Variants in ABCA12 observed in about 807,000 individuals in gnomAD.
ABCA12 encodes the protein glucosylceramide transporter ABCA12.
A neutral mutation model predicts 293.5 loss-of-function variants in ABCA12; 156 were observed. The observed-to-expected ratio is 0.53, with a 90% CI of 0.47 to 0.61. ABCA12 has a LOEUF of 0.61. ABCA12 is among the 20% of genes least tolerant of loss of function. The probability of loss-of-function intolerance (pLI) is 0.00; values close to 1 mark genes in which losing one functional copy is unlikely to be tolerated. For missense variants in ABCA12, 2,797 were observed against 3,090.2 expected, an observed-to-expected ratio of 0.91 and a Z score of 2.25; for synonymous variants, 1,063 against 1,108.0, an observed-to-expected ratio of 0.96 and a Z score of 0.81.
chr2:214,978,753 G>C, intron 32 of ABCA12, 51 bp downstream of exon 32: 1 of 1,570,404 alleles, frequency 6.4e-7, no homozygotes, highest in Non-Finnish European at 8.8e-7. Flanking sequence ...TCTTCAAAGG[G>C]AACAGCAAGT....
intron 7 of ABCA12, among the ~76,000 whole-genome samples, chr2:215,040,214 T>TA (rs1011180994): frequency 3.9e-4 from 59 of 152,094 alleles, no homozygotes; most frequent in African/African-American, 1.0e-3. Context: ...ACTGGACCAC[T>TA]AAAAAAAGAG....
At chr2:215,100,935 A>C (rs926599172) in intron 2 of ABCA12, among the ~76,000 whole-genome samples, 2 of 152,188 alleles carry the variant, frequency 1.3e-5, no homozygotes, top group African/African-American at 4.8e-5. Flanking sequence ...CTTATCAATG[A>C]AATCATCTTG....
chr2:214,959,524 C>T (rs1699054908), intron 39 of ABCA12, among the ~76,000 whole-genome samples: 1 of 152,148 alleles, frequency 6.6e-6, no homozygotes, highest in African/African-American at 2.4e-5. Context: ...CTTCCCCCAT[C>T]CCTCTTTAGT....
intron 52 of ABCA12, 53 bp downstream of exon 52, chr2:214,934,025 A>C (rs1431757760): frequency 1.1e-5 from 17 of 1,559,764 alleles, no homozygotes; most frequent in Non-Finnish European, 1.5e-5. Context: ...ACCAGAATGA[A>C]TAATAATATT....
chr2:214,944,788 A>G (rs570866100), intron 49 of ABCA12, among the ~76,000 whole-genome samples: 194 of 152,156 alleles, frequency 1.3e-3, no homozygotes, highest in Non-Finnish European at 1.6e-3. Context: ...TCCTACTACT[A>G]TAAATATAAA....
intron 2 of ABCA12, among the ~76,000 whole-genome samples, chr2:215,097,711 A>G (rs185945314): frequency 7.2e-5 from 11 of 152,294 alleles, no homozygotes; most frequent in Admixed American, 6.5e-4. Context: ...AGAAAAACTG[A>G]TTGCTTATTG....
intron 1 of ABCA12, among the ~76,000 whole-genome samples, chr2:215,117,857 G>C (rs915188781): frequency 6.6e-6 from 1 of 152,160 alleles, no homozygotes; most frequent in African/African-American, 2.4e-5. Flanking sequence ...TAACAGACTG[G>C]TGGTAGAAAG....
At position 214,974,657 on chromosome 2, in the gene ABCA12, G is replaced by T. The variant is rs370903549; in HGVS notation, c.5468+121C>A. ...GAGATAGACAAAATCTGTTAAACAG[G>T]GATTTCTATCAGGGTACAGCTTTCT... On this transcript the variant is annotated intron_variant, in intron 35 of 52. Coordinates refer to ENST00000272895, the MANE Select transcript of ABCA12 (RefSeq NM_173076.3). The T allele has an allele frequency of 2.3e-5, 21 of 926,718 alleles. No homozygotes were observed. In the East Asian group the frequency reaches 2.7e-4, roughly 12 times the overall value. 57.4% of individuals were successfully genotyped at this position (926,718 alleles called of 1,614,324 possible).
rs1472501768 is a variant in ABCA12, at chr2:215,025,751, T to C, written c.1209A>G (p.Ile403Met). ...PENLRLLQST[I>M]RFKKSFLRNG... ...TGCGAAGAAAAGATTTTTTAAATCG[T>C]ATTGTGGACTGCAGGAGTCTTAGAT... The change falls in exon 11 of 53, where the codon ATA becomes ATG. Residue 403 changes from isoleucine to methionine, a missense_variant. By Grantham distance (10) the Ile-to-Met change is conservative. Around this residue, in one of 3 missense-constraint regions of ABCA12, gnomAD observed 656 missense variants for 638.2 expected, o/e 1.03. Coordinates refer to ENST00000272895, the MANE Select transcript of ABCA12 (RefSeq NM_173076.3). 1 of 1,613,094 alleles carries C rather than the reference T, an allele frequency of 6.2e-7. No individual in the cohort carries two copies. The highest frequency in any genetic ancestry group is 8.5e-7 in the Non-Finnish European group (1 of 1,179,366).
chr2:214,940,360 G>T (rs1351254476), intron 50 of ABCA12, among the ~76,000 whole-genome samples: 5 of 152,290 alleles, frequency 3.3e-5, no homozygotes, highest in African/African-American at 9.6e-5. Flanking sequence ...GCTGGATTCG[G>T]TTTGCCAGTA....
intron 23 of ABCA12, among the ~76,000 whole-genome samples, chr2:214,995,636 G>A (rs1197319300): frequency 1.3e-5 from 2 of 152,222 alleles, no homozygotes; most frequent in African/African-American, 4.8e-5. Flanking sequence ...GCAGTGGAGC[G>A]AGGCTGAGCA....
chr2:215,091,530 C>A (rs1702146823), intron 2 of ABCA12, among the ~76,000 whole-genome samples: 1 of 152,316 alleles, frequency 6.6e-6, no homozygotes. Context: ...GGCAACAACC[C>A]TTAGACGCTT....
At chr2:214,996,171 C>T (rs1352184158) in intron 23 of ABCA12, among the ~76,000 whole-genome samples, 3 of 152,094 alleles carry the variant, frequency 2.0e-5, no homozygotes, top group East Asian at 1.9e-4. Context: ...AAGTCTTTTG[C>T]ATTTTCAGTT....
chr2:214,947,229 T>C (rs773622689), intron 48 of ABCA12, among the ~76,000 whole-genome samples, 193 bp downstream of exon 48: 8 of 152,210 alleles, frequency 5.3e-5, no homozygotes, highest in Non-Finnish European at 7.3e-5. Flanking sequence ...AGCATATTGT[T>C]GTGGTAACAA....
intron 41 of ABCA12, among the ~76,000 whole-genome samples, chr2:214,957,527 T>C (rs1029752499): frequency 3.9e-5 from 6 of 152,222 alleles, no homozygotes; most frequent in African/African-American, 1.4e-4. Context: ...TAGATTTGAC[T>C]TCTACAACAA....
intron 1 of ABCA12, among the ~76,000 whole-genome samples, chr2:215,123,537 G>T (rs1421348284): frequency 6.6e-6 from 1 of 152,126 alleles, no homozygotes; most frequent in Non-Finnish European, 1.5e-5. Context: ...CTTTGCTATT[G>T]TAAGTAGTGC....
Position 214,937,222 on chromosome 2 carries a change from A to G in ABCA12, c.7542+288T>C, listed in dbSNP as rs147480122. 7.0e-3 allele frequency among the ~76,000 whole-genome samples: 1,069 copies of G among 152,258 alleles called. 19 individuals are homozygous for G. The highest frequency in any genetic ancestry group is 0.024 in the African/African-American group (1,001 of 41,552). ...TTGTTTTTGTTTTTGTTTTTTAGAC[A>G]GAGTCTCGCTTTGTCACCCAGGCTG... On this transcript the variant is annotated intron_variant, in intron 51 of 52. Transcript: ENST00000272895.
chr2:215,127,095 A>G (rs1356356330), intron 1 of ABCA12, among the ~76,000 whole-genome samples: 1 of 152,086 alleles, frequency 6.6e-6, no homozygotes. Flanking sequence ...ATGTGTTTGC[A>G]TGGTTGTGAA....
At chr2:215,043,054 C>G (rs1163384551) in intron 7 of ABCA12, among the ~76,000 whole-genome samples, 2 of 152,074 alleles carry the variant, frequency 1.3e-5, no homozygotes, top group African/African-American at 4.8e-5. Context: ...GTTTCCCTTT[C>G]TCTGTATCCC....
Sources: allele counts gnomAD v4.1 joint callset (sites outside exome capture counted in the v4.1 genomes callset), GRCh38; gene constraint gnomAD v4.1.1; regional missense constraint gnomAD v4.1.1; transcripts MANE v1.5; gene names NCBI Gene and HGNC (gene_info 2026-07-23, HGNC 2026-07-21).